Variants in ZPBP observed in about 807,000 individuals in gnomAD.
The protein encoded by ZPBP is zona pellucida binding protein.
In ZPBP, 26 loss-of-function variants were observed where a neutral mutation model predicts 44.8. That is an observed-to-expected ratio of 0.58 (90% CI 0.43 to 0.81). The LOEUF is 0.81. Among genes scored for constraint, ZPBP ranks in the 30% least tolerant of loss-of-function variants. The pLI is 0.00. For missense variants in ZPBP, 409 were observed against 434.0 expected (o/e 0.94, Z 0.51); for synonymous variants, 174 against 153.2 (o/e 1.14, Z -1.00).
intron 7 of ZPBP, among the ~76,000 whole-genome samples, chr7:49,941,465 T>C (rs1296244918): frequency 6.6e-6 from 1 of 152,044 alleles, no homozygotes; most frequent in African/African-American, 2.4e-5. Context: ...GATACAAAAT[T>C]GATACACAAA....
At chr7:49,921,321 T>A (rs968264639) in intron 1 of ZPBP, 1 of 152,218 alleles carries the variant, frequency 6.6e-6, no homozygotes, top group Non-Finnish European at 1.5e-5. Flanking sequence ...GCCTGAGCCT[T>A]ACTCCATAGC....
chr7:49,973,932 G>T (rs1160305313), intron 7 of ZPBP, among the ~76,000 whole-genome samples: 1 of 152,096 alleles, frequency 6.6e-6, no homozygotes, highest in African/African-American at 2.4e-5. Context: ...ATTAATAAAT[G>T]AACAGGTATA....
At chr7:49,909,034 T>G (rs925057928) in intron 1 of ZPBP, among the ~76,000 whole-genome samples, 2 of 152,298 alleles carry the variant, frequency 1.3e-5, no homozygotes, top group African/African-American at 2.4e-5. Flanking sequence ...AACAACAGGA[T>G]AGGTGAAATA....
intron 7 of ZPBP, among the ~76,000 whole-genome samples, chr7:49,944,714 T>G (rs1301359787): frequency 6.6e-6 from 1 of 152,188 alleles, no homozygotes; most frequent in Non-Finnish European, 1.5e-5. Flanking sequence ...GCAGACGCAA[T>G]GTCTACTGTT....
chr7:49,930,908 T>C (rs1336221563), intron 1 of ZPBP, among the ~76,000 whole-genome samples: 1 of 152,222 alleles, frequency 6.6e-6, no homozygotes, highest in Non-Finnish European at 1.5e-5. Context: ...AATTGTAATA[T>C]TCCCCACATG....
chr7:49,928,889 G>A (rs546609065), intron 1 of ZPBP, among the ~76,000 whole-genome samples: 1 of 152,312 alleles, frequency 6.6e-6, no homozygotes, highest in Non-Finnish European at 1.5e-5. Context: ...AAGGAGAATA[G>A]TTATCTACAA....
At chr7:49,921,707 TAATA>T (rs1261999837) in intron 1 of ZPBP, 2 of 152,248 alleles carry the variant, frequency 1.3e-5, no homozygotes, top group African/African-American at 2.4e-5. Flanking sequence ...TTGAAGATTC[TAATA>T]AATGAATAAT....
At chr7:49,946,883 T>G (rs1443009031) in intron 7 of ZPBP, among the ~76,000 whole-genome samples, 1 of 152,084 alleles carries the variant, frequency 6.6e-6, no homozygotes, top group Non-Finnish European at 1.5e-5. Flanking sequence ...ATGCTTCATC[T>G]TTTTGTCTTT....
intron 6 of ZPBP, among the ~76,000 whole-genome samples, chr7:49,992,839 A>G (rs777797549): frequency 2.6e-5 from 4 of 152,158 alleles, no homozygotes; most frequent in Non-Finnish European, 4.4e-5. Context: ...AAAAATGACA[A>G]GAGAAGGAAG....
At chr7:49,895,168 G>T (rs1410484095) in intron 2 of ZPBP, among the ~76,000 whole-genome samples, 1 of 152,158 alleles carries the variant, frequency 6.6e-6, no homozygotes, top group Non-Finnish European at 1.5e-5. Flanking sequence ...CTGTTCAATT[G>T]ATGGTGTCTT....
chr7:49,933,487 A>G (rs1003997947), downstream of ZPBP, among the ~76,000 whole-genome samples: 10 of 152,248 alleles, frequency 6.6e-5, no homozygotes, highest in Admixed American at 2.0e-4. Context: ...TGTGGAAGTC[A>G]GTGTGGAGAT....
chr7:49,880,426 CTTTTG>C (rs139935255), intron 2 of ZPBP, among the ~76,000 whole-genome samples: 4,527 of 151,404 alleles, frequency 0.03, 180 homozygotes, highest in South Asian at 0.13. Flanking sequence ...ATTTTGTTTT[CTTTTG>C]TTTTGTTTTT....
At chr7:50,013,301 T>C (rs999211742) in intron 6 of ZPBP, among the ~76,000 whole-genome samples, 1 of 151,922 alleles carries the variant, frequency 6.6e-6, no homozygotes, top group Non-Finnish European at 1.5e-5. Context: ...GTAACAGTGA[T>C]TGAAGAAAGG....
intron 7 of ZPBP, among the ~76,000 whole-genome samples, chr7:49,981,677 ATATATAATAATATATATAATT>A (rs1796973355): frequency 2.3e-5 from 1 of 43,248 alleles, no homozygotes; most frequent in Non-Finnish European, 3.4e-5. Context: ...ATTATATATT[ATATATAATAATATATATAATT>A]ATATATAATA....
downstream of ZPBP, chr7:49,937,330 A>G (rs1225630745): frequency 5.7e-6 from 3 of 530,968 alleles, no homozygotes; most frequent in Non-Finnish European, 1.0e-5. Flanking sequence ...TTTTAGAATC[A>G]TATGTAGGTT....
At chr7:50,017,186 C>A (rs970579894) in intron 6 of ZPBP, among the ~76,000 whole-genome samples, 3 of 152,102 alleles carry the variant, frequency 2.0e-5, no homozygotes, top group African/African-American at 7.2e-5. Context: ...TGTCTTCCTG[C>A]AACTAGAAGG....
intron 2 of ZPBP, among the ~76,000 whole-genome samples, chr7:49,865,273 G>A (rs1790831058): frequency 6.6e-6 from 1 of 152,158 alleles, no homozygotes; most frequent in African/African-American, 2.4e-5. Context: ...GTTGATCTCT[G>A]AAATCTGAGT....
rs114079034 is a variant in ZPBP, at chr7:49,906,214, A to C, written n.412-4999T>G. On this transcript the variant is annotated intron_variant and non_coding_transcript_variant, in intron 1 of 2. Coordinates refer to the ZPBP transcript ENST00000465922. ...TCTTGCATGAAATCCAAGAACCCTCACTTGGGGTGTGGATCAGGACCCCTT... is the reference window on the plus strand; with the variant it reads ...TCTTGCATGAAATCCAAGAACCCTCCCTTGGGGTGTGGATCAGGACCCCTT... 7.6e-3 allele frequency among the ~76,000 whole-genome samples: 1,154 copies of C among 152,268 alleles called. 24 individuals carry two copies. The highest frequency in any genetic ancestry group is 0.026 in the African/African-American group (1,094 of 41,548).
intron 6 of ZPBP, among the ~76,000 whole-genome samples, chr7:50,000,273 C>G (rs1229334481): frequency 6.6e-6 from 1 of 152,082 alleles, no homozygotes; most frequent in Non-Finnish European, 1.5e-5. Context: ...GTGATGATTT[C>G]TCATTCCCAA....
Sources: allele counts gnomAD v4.1 joint callset (sites outside exome capture counted in the v4.1 genomes callset), GRCh38; gene constraint gnomAD v4.1.1; transcripts MANE v1.5; gene names NCBI Gene and HGNC (gene_info 2026-07-23, HGNC 2026-07-21).